Variants in MYO1E observed in about 807,000 individuals in gnomAD.
MYO1E encodes the protein unconventional myosin-Ie.
Under a neutral mutation model 151.1 loss-of-function variants are expected in MYO1E, and 68 were observed. The observed-to-expected ratio is 0.45, with a 90% CI of 0.37 to 0.55. The LOEUF is 0.55. MYO1E is among the 20% of genes least tolerant of loss of function. MYO1E has a pLI of 0.00. For synonymous variants in MYO1E, 601 were observed against 501.7 expected (o/e 1.20, Z -2.64); for missense variants, 1,363 against 1,389.3 (o/e 0.98, Z 0.30).
At chr15:59,187,367 A>T (rs563820741) in intron 18 of MYO1E, among the ~76,000 whole-genome samples, 3 of 152,244 alleles carry the variant, frequency 2.0e-5, no homozygotes, top group African/African-American at 4.8e-5. Flanking sequence ...CCATCTGGGA[A>T]ATGCAAATCA....
At chr15:59,146,234 T>C (rs2079440602) in intron 26 of MYO1E, among the ~76,000 whole-genome samples, 1 of 152,216 alleles carries the variant, frequency 6.6e-6, no homozygotes, top group Non-Finnish European at 1.5e-5. Flanking sequence ...TGTGATACAG[T>C]ATTTGTATTT....
intron 4 of MYO1E, among the ~76,000 whole-genome samples, chr15:59,243,161 G>A (rs1406593865): frequency 7.2e-6 from 1 of 139,602 alleles, no homozygotes; most frequent in African/African-American, 2.7e-5. Context: ...TATTTCAAAA[G>A]GTATAACCCA....
chr15:59,194,889 G>T (rs934254835), intron 17 of MYO1E, among the ~76,000 whole-genome samples: 1 of 152,228 alleles, frequency 6.6e-6, no homozygotes, highest in Non-Finnish European at 1.5e-5. Flanking sequence ...AGGGCAGAAA[G>T]GGTTTGCTGA....
intron 12 of MYO1E, among the ~76,000 whole-genome samples, chr15:59,212,119 C>T (rs2140341230): frequency 6.6e-6 from 1 of 152,228 alleles, no homozygotes; most frequent in Middle Eastern, 3.4e-3. Context: ...TCTCCCATCT[C>T]ACTGGCTATT....
chr15:59,162,591 A>C (rs540057579), intron 23 of MYO1E, among the ~76,000 whole-genome samples: 1 of 151,160 alleles, frequency 6.6e-6, no homozygotes, highest in South Asian at 2.1e-4. Context: ...GGTTGCAGTG[A>C]GCCAAGGTCG....
chr15:59,223,314 A>AT, intron 8 of MYO1E, 123 bp from the exon 9 acceptor site: 11 of 1,043,280 alleles, frequency 1.1e-5, no homozygotes, highest in African/African-American at 4.2e-5. Flanking sequence ...CGAGTTACAA[A>AT]GAAAAAAAAA....
intron 16 of MYO1E, among the ~76,000 whole-genome samples, chr15:59,200,726 A>G: frequency 6.6e-6 from 1 of 152,244 alleles, no homozygotes; most frequent in Middle Eastern, 3.2e-3. Context: ...TCTTGTGTTC[A>G]GTATGCCTCA....
intron 22 of MYO1E, among the ~76,000 whole-genome samples, chr15:59,170,570 G>A (rs1478126158): frequency 6.6e-6 from 1 of 151,508 alleles, no homozygotes; most frequent in Non-Finnish European, 1.5e-5. Context: ...CAGAAAATCA[G>A]TCAGCGCCTA....
intron 1 of MYO1E, among the ~76,000 whole-genome samples, chr15:59,307,759 C>A (rs1376048560): frequency 6.6e-6 from 1 of 151,912 alleles, no homozygotes; most frequent in East Asian, 2.0e-4. Context: ...TATAGGCATG[C>A]ACCACTATGG....
intron 1 of MYO1E, among the ~76,000 whole-genome samples, chr15:59,336,216 C>T (rs1334015317): frequency 6.6e-6 from 1 of 151,710 alleles, no homozygotes; most frequent in Non-Finnish European, 1.5e-5. Flanking sequence ...AAAAAAAATA[C>T]AAAAATTAGC....
chr15:59,207,012 G>A (rs756910522), intron 14 of MYO1E: 20 of 1,614,044 alleles, frequency 1.2e-5, no homozygotes, highest in South Asian at 5.5e-5. Flanking sequence ...TCCTATGCCT[G>A]GGGATGGCCC....
At chr15:59,332,156 T>C (rs530017851) in intron 1 of MYO1E, among the ~76,000 whole-genome samples, 2 of 152,252 alleles carry the variant, frequency 1.3e-5, no homozygotes, top group Non-Finnish European at 2.9e-5. Context: ...TAGAAATAGA[T>C]AATGTAGACA....
chr15:59,214,491 C>A, intron 11 of MYO1E, 149 bp downstream of exon 11: 3 of 990,814 alleles, frequency 3.0e-6, no homozygotes, highest in South Asian at 1.4e-5. Flanking sequence ...ATGAAGAACT[C>A]ACAAAGGCAA....
rs193016016 is a variant in MYO1E, at chr15:59,213,273, C to G, written c.1275+955G>C. Among the ~76,000 whole-genome samples the G allele has an allele frequency of 2.3e-3, 352 of 151,916 alleles. 1 individual carries two copies. The highest frequency in any genetic ancestry group is 8.2e-3 in the African/African-American group (341 of 41,418). Reference sequence around the variant, plus strand: ...GCAACCTCTGCCTCCTGGGTTCAAGCGATTCTCCTGCCTCAGCCCCCTGAG... The same window carrying G: ...GCAACCTCTGCCTCCTGGGTTCAAGGGATTCTCCTGCCTCAGCCCCCTGAG... On this transcript the variant is annotated intron_variant, in intron 12 of 27. Transcript: ENST00000288235.
intron 10 of MYO1E, among the ~76,000 whole-genome samples, chr15:59,217,293 G>C (rs2079924706): frequency 1.3e-5 from 2 of 152,144 alleles, no homozygotes; most frequent in East Asian, 1.9e-4. Flanking sequence ...GTCAAGAAAG[G>C]CCCATGAACG....
chr15:59,320,754 C>G (rs1217292012), intron 1 of MYO1E, among the ~76,000 whole-genome samples: 2 of 152,092 alleles, frequency 1.3e-5, no homozygotes, highest in South Asian at 2.1e-4. Flanking sequence ...CTAGGAAACA[C>G]CACTCTGGAT....
intron 1 of MYO1E, among the ~76,000 whole-genome samples, chr15:59,369,318 T>C (rs2080931758): frequency 6.6e-6 from 1 of 152,238 alleles, no homozygotes; most frequent in South Asian, 2.1e-4. Context: ...GAACATGTTT[T>C]GAGGTGATGG....
chr15:59,243,491 C>T (rs1041738183), intron 4 of MYO1E, among the ~76,000 whole-genome samples: 1 of 152,114 alleles, frequency 6.6e-6, no homozygotes, highest in Admixed American at 6.5e-5. Context: ...AGGTAAGAAA[C>T]TTGCTGAAGG....
intron 1 of MYO1E, among the ~76,000 whole-genome samples, chr15:59,354,830 A>G (rs1265187497): frequency 6.6e-6 from 1 of 152,184 alleles, no homozygotes; most frequent in African/African-American, 2.4e-5. Flanking sequence ...AGAAACAGGT[A>G]GAAACCTTCC....
Sources: gnomAD v4.1 joint callset for allele counts (sites outside exome capture counted in the v4.1 genomes callset) on GRCh38, gnomAD v4.1.1 for gene constraint, MANE v1.5 for transcripts, NCBI Gene and HGNC (gene_info 2026-07-23, HGNC 2026-07-21) for gene names.